CCSER1: variants seen among roughly 807,000 people sequenced by gnomAD.
The protein encoded by CCSER1 is serine-rich coiled-coil domain-containing protein 1.
A neutral mutation model predicts 82.0 loss-of-function variants in CCSER1; 41 were observed. The observed-to-expected ratio is 0.50, with a 90% CI of 0.39 to 0.65. The LOEUF (loss-of-function observed/expected upper bound fraction) is 0.65, where lower values mean the gene tolerates loss of function less well. Ranked by LOEUF, CCSER1 falls within the 30% of genes least tolerant of loss-of-function variation. CCSER1 has a pLI of 0.00. For synonymous variants in CCSER1, 414 were observed against 383.9 expected, an observed-to-expected ratio of 1.08 and a Z score of -0.92; for missense variants, 1,119 against 1,064.2, an observed-to-expected ratio of 1.05 and a Z score of -0.72.
At position 91,009,797 on chromosome 4, in the gene CCSER1, C is replaced by T. The variant is rs1281793725; in HGVS notation, c.2173-76153C>T. Among the ~76,000 whole-genome samples, 3 of 152,252 alleles carry T rather than the reference C, an allele frequency of 2.0e-5. No individual in the cohort carries two copies. In the East Asian group the frequency reaches 5.8e-4, roughly 29 times the overall value. On this transcript the variant is annotated intron_variant, in intron 9 of 10. Transcript: ENST00000509176. ...AAACCTCTAGATTTTTACCCTCCCT[C>T]CCACAATTTATATTTTTGATGTCAC...
intron 6 of CCSER1, among the ~76,000 whole-genome samples, chr4:90,673,106 T>C (rs551097254): frequency 6.6e-5 from 10 of 152,018 alleles, no homozygotes; most frequent in African/African-American, 2.2e-4. Flanking sequence ...ATGGCCCCAA[T>C]AGATTTGCTG....
At chr4:90,646,777 C>G (rs897588434) in intron 6 of CCSER1, among the ~76,000 whole-genome samples, 2 of 152,132 alleles carry the variant, frequency 1.3e-5, no homozygotes, top group African/African-American at 4.8e-5. Context: ...CCCACCCTTT[C>G]CTTTCATTTG....
At chr4:91,551,011 C>T (rs986049326) in intron 10 of CCSER1, among the ~76,000 whole-genome samples, 18 of 151,928 alleles carry the variant, frequency 1.2e-4, no homozygotes, top group Admixed American at 8.5e-4. Flanking sequence ...CCAGTAGCTC[C>T]AGATATACTC....
intron 4 of CCSER1, among the ~76,000 whole-genome samples, chr4:90,405,294 C>G (rs981056451): frequency 1.3e-5 from 2 of 151,642 alleles, no homozygotes; most frequent in African/African-American, 4.9e-5. Flanking sequence ...TCAAATTAAC[C>G]CAATTCATTA....
chr4:90,427,800 G>T, intron 4 of CCSER1, among the ~76,000 whole-genome samples: 1 of 151,446 alleles, frequency 6.6e-6, no homozygotes, highest in East Asian at 1.9e-4. Context: ...GAACTTAAAG[G>T]CATGATGAAA....
At chr4:91,537,083 T>C (rs921266337) in intron 10 of CCSER1, among the ~76,000 whole-genome samples, 2 of 152,144 alleles carry the variant, frequency 1.3e-5, no homozygotes, top group African/African-American at 2.4e-5. Context: ...GCACTAAAAA[T>C]GGTTAATAGT....
chr4:90,350,206 G>C (rs1273942750), intron 3 of CCSER1, among the ~76,000 whole-genome samples: 5 of 152,070 alleles, frequency 3.3e-5, no homozygotes. Context: ...AACTCTTATA[G>C]AGAAGACGAA....
intron 7 of CCSER1, among the ~76,000 whole-genome samples, chr4:90,762,354 G>T (rs968439515): frequency 2.6e-5 from 4 of 152,128 alleles, no homozygotes; most frequent in Non-Finnish European, 5.9e-5. Context: ...CTGCTGAATT[G>T]TGAGTCAATT....
At chr4:90,512,709 C>G (rs1453523030) in intron 5 of CCSER1, among the ~76,000 whole-genome samples, 1 of 152,064 alleles carries the variant, frequency 6.6e-6, no homozygotes, top group Non-Finnish European at 1.5e-5. Context: ...AATTACTAAT[C>G]CAATCACATT....
intron 9 of CCSER1, among the ~76,000 whole-genome samples, chr4:90,931,975 G>A (rs993508163): frequency 2.6e-5 from 4 of 152,096 alleles, no homozygotes; most frequent in South Asian, 4.1e-4. Context: ...GCCATAGAGA[G>A]CTAAAGGGAA....
chr4:90,272,875 C>A (rs944491818), intron 1 of CCSER1, among the ~76,000 whole-genome samples: 2 of 152,048 alleles, frequency 1.3e-5, no homozygotes, highest in East Asian at 1.9e-4. Context: ...TGGTGGCATG[C>A]GCCTGTAATC....
chr4:91,503,667 A>G (rs114764008), intron 10 of CCSER1, among the ~76,000 whole-genome samples: 2,922 of 152,236 alleles, frequency 0.019, 81 homozygotes, highest in African/African-American at 0.062. Flanking sequence ...GCTCTGGGGA[A>G]TCAATCAAAC....
At chr4:90,941,962 T>TG (rs983109705) in intron 9 of CCSER1, among the ~76,000 whole-genome samples, 33 of 152,210 alleles carry the variant, frequency 2.2e-4, no homozygotes, top group African/African-American at 7.0e-4. Context: ...TGTTTTGTTT[T>TG]TTTTGAGACA....
chr4:90,804,478 C>T (rs1031984413), intron 7 of CCSER1, among the ~76,000 whole-genome samples: 8 of 152,016 alleles, frequency 5.3e-5, no homozygotes, highest in Non-Finnish European at 2.9e-5. Context: ...GGAATATTTT[C>T]CCTATTGCTT....
At chr4:90,254,018 A>G (rs1722833031) in intron 1 of CCSER1, among the ~76,000 whole-genome samples, 1 of 152,094 alleles carries the variant, frequency 6.6e-6, no homozygotes, top group Non-Finnish European at 1.5e-5. Flanking sequence ...TGAGACTTTG[A>G]GACTTATTCC....
chr4:90,417,341 T>G (rs966423294), intron 4 of CCSER1, among the ~76,000 whole-genome samples: 1 of 152,110 alleles, frequency 6.6e-6, no homozygotes, highest in African/African-American at 2.4e-5. Context: ...AAGAATAAAT[T>G]TCTATTTTAA....
At chr4:90,613,072 C>A (rs547057876) in intron 5 of CCSER1, among the ~76,000 whole-genome samples, 1 of 152,200 alleles carries the variant, frequency 6.6e-6, no homozygotes, top group South Asian at 2.1e-4. Context: ...TACACAGGCA[C>A]TGGAAGAACC....
At chr4:90,229,252 T>A (rs1051712760) in intron 1 of CCSER1, among the ~76,000 whole-genome samples, 23 of 152,128 alleles carry the variant, frequency 1.5e-4, no homozygotes, top group Non-Finnish European at 2.8e-4. Context: ...GGGAAGCCCA[T>A]CAGACTGACA....
In CCSER1 at chr4:90,715,414, T is replaced by C. The variant is rs1580113066; in HGVS notation, c.1933-8500T>C. Among the ~76,000 whole-genome samples, 3 of 152,104 alleles carry C rather than the reference T, an allele frequency of 2.0e-5. No individual in the cohort carries two copies. The East Asian group carries it at 5.8e-4, about 29-fold the overall frequency. ...CATAGCCTAGTAATTTGGGTTATTC[T>C]AGGGTTTGGTCACAGCTTTGATTTA... On this transcript the variant is annotated intron_variant, in intron 6 of 10. Coordinates refer to ENST00000509176, the MANE Select transcript of CCSER1 (RefSeq NM_001145065.2).
Sources: gnomAD v4.1 joint callset for allele counts (sites outside exome capture counted in the v4.1 genomes callset) on GRCh38, gnomAD v4.1.1 for gene constraint, MANE v1.5 for transcripts, NCBI Gene and HGNC (gene_info 2026-07-23, HGNC 2026-07-21) for gene names.